XKR4: variants seen among roughly 807,000 people sequenced by gnomAD.
XKR4 encodes the protein XK-related protein 4.
Under a neutral mutation model 53.9 loss-of-function variants are expected in XKR4, and 12 were observed. The observed-to-expected ratio is 0.22, with a 90% CI of 0.14 to 0.36. The LOEUF (loss-of-function observed/expected upper bound fraction) is 0.36. Ranked by LOEUF, XKR4 falls within the 10% of genes least tolerant of loss-of-function variation. XKR4 has a pLI of 1.00. For synonymous variants in XKR4, 354 were observed against 362.4 expected (o/e 0.98, Z 0.26); for missense variants, 799 against 859.5 (o/e 0.93, Z 0.88).
chr8:55,271,364 A>T (rs1176308470), intron 1 of XKR4, among the ~76,000 whole-genome samples: 2 of 152,252 alleles, frequency 1.3e-5, no homozygotes, highest in East Asian at 3.8e-4. Context: ...TAGGGGAAAT[A>T]AAATCATGGA....
rs146968048 is a variant in XKR4 at position 55,507,098 on chromosome 8, A to T, written c.1007-16183A>T. On this transcript the variant is annotated intron_variant, in intron 2 of 2. Transcript: ENST00000327381. ...AAGTTTATCATTCAGAATAAGCTTA[A>T]TGGGGACTATTGGCCTCAGAATGAT... 3.1e-3 allele frequency among the ~76,000 whole-genome samples: 475 copies of T among 152,306 alleles called. 2 individuals are homozygous for T. The highest frequency in any genetic ancestry group is 0.01 in the African/African-American group (432 of 41,572).
rs61313837 is a variant in XKR4 at position 55,267,692 on chromosome 8, A to G, written c.807-89986A>G. 3.7e-3 allele frequency among the ~76,000 whole-genome samples: 556 copies of G among 152,174 alleles called. 5 individuals are homozygous for G. The highest frequency in any genetic ancestry group is 0.012 in the African/African-American group (503 of 41,520). On this transcript the variant is annotated intron_variant, in intron 1 of 2. Transcript: ENST00000327381. ...TTATCTTTTTTTTCATTTTTGCAAT[A>G]GAGTTGCATTATTTTTATAATGACT...
chr8:55,212,293 A>T (rs1240157338), intron 1 of XKR4, among the ~76,000 whole-genome samples: 1 of 152,206 alleles, frequency 6.6e-6, no homozygotes, highest in East Asian at 1.9e-4. Flanking sequence ...ATGGAAAATG[A>T]AGAAGATTCT....
intron 1 of XKR4, chr8:55,273,047 G>A (rs1818714686): frequency 2.8e-6 from 1 of 356,320 alleles, no homozygotes; most frequent in Non-Finnish European, 5.5e-6. Context: ...CCATTCAATG[G>A]AAGAAAACAT....
At chr8:55,518,397 C>T (rs1046324556) in intron 2 of XKR4, among the ~76,000 whole-genome samples, 5 of 152,074 alleles carry the variant, frequency 3.3e-5, no homozygotes, top group Admixed American at 6.5e-5. Flanking sequence ...CTTCTTTTCC[C>T]TCTAAGTGTC....
intron 2 of XKR4, among the ~76,000 whole-genome samples, chr8:55,444,304 C>T (rs1563351385): frequency 1.3e-5 from 2 of 152,136 alleles, no homozygotes; most frequent in Admixed American, 1.3e-4. Context: ...AGGAAGCGAA[C>T]TCAGGATATG....
chr8:55,403,126 AAT>A (rs1441169067), intron 2 of XKR4, among the ~76,000 whole-genome samples: 1 of 152,226 alleles, frequency 6.6e-6, no homozygotes, highest in African/African-American at 2.4e-5. Context: ...TCATTTCTAT[AAT>A]AGAGTACTTG....
chr8:55,451,713 G>T, intron 2 of XKR4: 2 of 1,298,514 alleles, frequency 1.5e-6, no homozygotes, highest in Non-Finnish European at 2.2e-6. Context: ...CATGCATGCG[G>T]TTGACCAGAG....
intron 2 of XKR4, among the ~76,000 whole-genome samples, chr8:55,475,329 T>A (rs537581313): frequency 6.6e-6 from 1 of 152,206 alleles, no homozygotes; most frequent in East Asian, 1.9e-4. Context: ...ATTCCATGCC[T>A]GAAAATGTGG....
chr8:55,402,872 G>T (rs1490054003), intron 2 of XKR4, among the ~76,000 whole-genome samples: 1 of 152,182 alleles, frequency 6.6e-6, no homozygotes, highest in East Asian at 1.9e-4. Flanking sequence ...AATAGAAAGG[G>T]AGAGTGGGCC....
chr8:55,295,561 CA>C (rs1819089821), intron 1 of XKR4, among the ~76,000 whole-genome samples: 1 of 152,072 alleles, frequency 6.6e-6, no homozygotes, highest in Non-Finnish European at 1.5e-5. Flanking sequence ...TTAGCTAGAA[CA>C]ATGGTTTGAA....
At chr8:55,373,162 A>G (rs1332751897) in intron 2 of XKR4, among the ~76,000 whole-genome samples, 1 of 152,134 alleles carries the variant, frequency 6.6e-6, no homozygotes, top group Non-Finnish European at 1.5e-5. Flanking sequence ...CTCGAAAACT[A>G]CAAAAACTTT....
chr8:55,393,668 C>CAGCATGATA (rs1489053879), intron 2 of XKR4, among the ~76,000 whole-genome samples: 7 of 152,156 alleles, frequency 4.6e-5, no homozygotes, highest in African/African-American at 1.7e-4. Flanking sequence ...CAGTTGTAGG[C>CAGCATGATA]AGCATGATAA....
chr8:55,376,755 T>C (rs951271654), intron 2 of XKR4, among the ~76,000 whole-genome samples: 3 of 152,162 alleles, frequency 2.0e-5, no homozygotes, highest in African/African-American at 4.8e-5. Flanking sequence ...ATAGGATTCC[T>C]AAAACTGGTG....
At chr8:55,461,381 C>T (rs1261654148) in intron 2 of XKR4, among the ~76,000 whole-genome samples, 1 of 152,220 alleles carries the variant, frequency 6.6e-6, no homozygotes, top group Non-Finnish European at 1.5e-5. Context: ...AGTGGACCTC[C>T]AGTAAACTGC....
chr8:55,231,029 G>C (rs1818032452), intron 1 of XKR4, among the ~76,000 whole-genome samples: 1 of 152,142 alleles, frequency 6.6e-6, no homozygotes, highest in African/African-American at 2.4e-5. Context: ...TGGTCTCTTT[G>C]GGCCTTTCCT....
At position 55,479,945 on chromosome 8, in the gene XKR4, G is replaced by A. The variant is rs112894147; in HGVS notation, c.1007-43336G>A. 4.6e-3 allele frequency among the ~76,000 whole-genome samples: 696 copies of A among 152,308 alleles called. 6 individuals are homozygous for A. The highest frequency in any genetic ancestry group is 0.027 in the Middle Eastern group (8 of 294). ...GCAAAGAAAAGTCCAGGACCAGACG[G>A]ATTCACTGCCGAATTTTACCAGAGG... is the stretch of plus-strand genomic sequence containing the variant. On this transcript the variant is annotated intron_variant, in intron 2 of 2. Coordinates refer to ENST00000327381, the MANE Select transcript of XKR4 (RefSeq NM_052898.2).
intron 1 of XKR4, chr8:55,135,671 G>A (rs1026454883): frequency 8.8e-6 from 4 of 456,076 alleles, no homozygotes; most frequent in South Asian, 3.1e-5. Flanking sequence ...AACAGGGAGA[G>A]TAAAGTCAAA....
chr8:55,517,400 T>G (rs1363867568), intron 2 of XKR4: 14 of 151,960 alleles, frequency 9.2e-5, no homozygotes, highest in Admixed American at 9.2e-4. Flanking sequence ...CTGCACACCC[T>G]CCCTCCTGGA....
Sources: gnomAD v4.1 joint callset for allele counts (sites outside exome capture counted in the v4.1 genomes callset) on GRCh38, gnomAD v4.1.1 for gene constraint, MANE v1.5 for transcripts, NCBI Gene and HGNC (gene_info 2026-07-23, HGNC 2026-07-21) for gene names.